CCDC7: variants seen among roughly 807,000 people sequenced by gnomAD.
CCDC7 encodes coiled-coil domain-containing protein 7.
In CCDC7, 183 loss-of-function variants were observed where a neutral mutation model predicts 196.9. The observed-to-expected ratio is 0.93, with a 90% CI of 0.82 to 1.05. The LOEUF (loss-of-function observed/expected upper bound fraction) is 1.05. Ranked by LOEUF, CCDC7 falls within the 50% of genes least tolerant of loss-of-function variation. CCDC7 has a pLI of 0.00. For missense variants in CCDC7, 1,540 were observed against 1,482.2 expected (o/e 1.04, Z -0.64); for synonymous variants, 525 against 484.6 (o/e 1.08, Z -1.10).
intron 28 of CCDC7, among the ~76,000 whole-genome samples, chr10:32,772,463 G>A (rs2134110089): frequency 6.6e-6 from 1 of 152,328 alleles, no homozygotes; most frequent in East Asian, 1.9e-4. Context: ...GCAAAGCTAG[G>A]CACCCAGCTC....
chr10:32,654,595 C>T (rs1240289429), intron 20 of CCDC7, among the ~76,000 whole-genome samples: 2 of 152,098 alleles, frequency 1.3e-5, no homozygotes, highest in African/African-American at 4.8e-5. Context: ...AATGACTAGA[C>T]AGAGATTTCC....
At chr10:32,817,368 A>G (rs560588362) in intron 31 of CCDC7, among the ~76,000 whole-genome samples, 47 of 152,338 alleles carry the variant, frequency 3.1e-4, no homozygotes, top group African/African-American at 1.1e-3. Flanking sequence ...TGATTGGTGT[A>G]CCCGAAAGTG....
At chr10:32,814,515 C>A in intron 31 of CCDC7, 62 bp downstream of exon 32, 2 of 1,197,686 alleles carry the variant, frequency 1.7e-6, no homozygotes, top group Non-Finnish European at 2.5e-6. Flanking sequence ...TGGAGTGTAA[C>A]TAAGTGTGCA....
In CCDC7 at chr10:32,453,452, C is replaced by A; in HGVS notation, c.372+16C>A. On this transcript the variant is annotated intron_variant, in intron 2 of 41. Transcript: ENST00000639629. ...ATCTTTATCTGTAAGTATATGCAACCCTAATATAGAGACATTAACACTGAA... is the reference window on the plus strand; with the variant it reads ...ATCTTTATCTGTAAGTATATGCAACACTAATATAGAGACATTAACACTGAA... The A allele has an allele frequency of 1.4e-6, 2 of 1,454,616 alleles. No individual in the cohort carries two copies. Among genetic ancestry groups the A allele is most frequent in the South Asian group, 1.6e-5 (1 of 61,144 alleles). 90.1% of individuals were successfully genotyped at this position (1,454,616 alleles called of 1,614,324 possible). A position where few individuals can be genotyped will look rare whatever the true frequency, so the allele number is the denominator to read the frequency against.
chr10:32,455,730 ATTTACGAATCACTGC>A (rs1342149940), intron 2 of CCDC7, among the ~76,000 whole-genome samples: 1 of 152,198 alleles, frequency 6.6e-6, no homozygotes, highest in Non-Finnish European at 1.5e-5. Context: ...CAATTCTCTG[ATTTACGAATCACTGC>A]TTTACTAGAA....
chr10:32,449,920 C>T (rs1465103340), upstream of CCDC7, among the ~76,000 whole-genome samples: 6 of 152,222 alleles, frequency 3.9e-5, no homozygotes, highest in African/African-American at 1.4e-4. Context: ...GGGCTTTCAT[C>T]AGACACCAAC....
chr10:32,458,160 G>T (rs1395437459), intron 3 of CCDC7, among the ~76,000 whole-genome samples: 4 of 151,868 alleles, frequency 2.6e-5, no homozygotes, highest in Non-Finnish European at 5.9e-5. Flanking sequence ...CATAGTTTTG[G>T]GTTTTACATT....
At position 32,682,910 on chromosome 10, in the gene CCDC7, A is replaced by C. The variant is rs536124597; in HGVS notation, c.2123-3060A>C. 8.7e-4 allele frequency among the ~76,000 whole-genome samples: 132 copies of C among 152,250 alleles called. 1 individual carries two copies. Among genetic ancestry groups the C allele is most frequent in the African/African-American group, 2.9e-3 (120 of 41,562 alleles). On this transcript the variant is annotated intron_variant, in intron 21 of 41. Coordinates refer to ENST00000639629, the Ensembl canonical transcript of CCDC7. ...TGGATATTACACCTTTGTTAGATGC[A>C]TAGTTTGAGAATATTTTCTCCTATT...
At chr10:32,503,653 A>C (rs541053792) in intron 9 of CCDC7, among the ~76,000 whole-genome samples, 1 of 152,270 alleles carries the variant, frequency 6.6e-6, no homozygotes, top group African/African-American at 2.4e-5. Flanking sequence ...AATAGTTTAG[A>C]AGTATTTCTT....
At chr10:32,496,660 T>TG (rs1470761219) in intron 9 of CCDC7, among the ~76,000 whole-genome samples, 2 of 152,248 alleles carry the variant, frequency 1.3e-5, no homozygotes, top group African/African-American at 4.8e-5. Flanking sequence ...ATGTGGTTTT[T>TG]GTCATTGGTT....
At chr10:32,635,211 CTT>C in intron 20 of CCDC7, 53 bp downstream of exon 21, 1 of 395,250 alleles carries the variant, frequency 2.5e-6, no homozygotes, top group Non-Finnish European at 4.5e-6. Context: ...TATTAAACAG[CTT>C]TTTTTATGGT....
intron 29 of CCDC7, among the ~76,000 whole-genome samples, chr10:32,791,993 C>T (rs1397431261): frequency 2.6e-5 from 4 of 151,946 alleles, no homozygotes; most frequent in East Asian, 3.9e-4. Flanking sequence ...ACATCGAGGA[C>T]ATTTCCATCA....
At chr10:32,471,114 A>AACAGTC in exon 6 of CCDC7, 1 of 1,612,208 alleles carries the variant, frequency 6.2e-7, no homozygotes, top group Non-Finnish European at 8.5e-7. Flanking sequence ...AACCTGACAA[A>AACAGTC]ACAGTCATTT....
chr10:32,502,264 C>T (rs11597882), intron 9 of CCDC7, among the ~76,000 whole-genome samples: 52,428 of 152,052 alleles, frequency 0.34, 11,465 homozygotes, highest in Non-Finnish European at 0.5. Flanking sequence ...CCAGAATGCA[C>T]CATTTCTCCC....
intron 30 of CCDC7, among the ~76,000 whole-genome samples, chr10:32,813,937 A>G (rs2087750051): frequency 6.6e-6 from 1 of 152,042 alleles, no homozygotes; most frequent in African/African-American, 2.4e-5. Context: ...TAATTCTTCT[A>G]TAAATACAAT....
At chr10:32,841,001 CAT>C (rs1439328287) in intron 33 of CCDC7, among the ~76,000 whole-genome samples, 1 of 151,914 alleles carries the variant, frequency 6.6e-6, no homozygotes, top group African/African-American at 2.4e-5. Context: ...AGGAACATAA[CAT>C]AAGGTAATAA....
At chr10:32,624,355 G>T (rs2063740357) in intron 18 of CCDC7, among the ~76,000 whole-genome samples, 1 of 152,120 alleles carries the variant, frequency 6.6e-6, no homozygotes, top group Non-Finnish European at 1.5e-5. Flanking sequence ...AGAGCTGCAG[G>T]CTTAGCATAC....
intron 20 of CCDC7, among the ~76,000 whole-genome samples, chr10:32,648,175 T>G (rs2068103213): frequency 6.6e-6 from 1 of 152,138 alleles, no homozygotes; most frequent in Non-Finnish European, 1.5e-5. Flanking sequence ...CTATTCTATT[T>G]TATTGGATTG....
chr10:32,658,889 A>G (rs1391279529), intron 20 of CCDC7, among the ~76,000 whole-genome samples: 2 of 151,962 alleles, frequency 1.3e-5, no homozygotes, highest in Non-Finnish European at 2.9e-5. Flanking sequence ...GTCAGTTGTA[A>G]TGTCTCATCT....
Sources: gnomAD v4.1 joint callset for allele counts (sites outside exome capture counted in the v4.1 genomes callset) on GRCh38, gnomAD v4.1.1 for gene constraint, MANE v1.5 for transcripts, NCBI Gene and HGNC (gene_info 2026-07-23, HGNC 2026-07-21) for gene names.